The following WNK1 variants were observed in gnomAD, a reference collection of about 807,000 sequenced individuals.
The protein encoded by WNK1 is serine/threonine-protein kinase WNK1.
Under a neutral mutation model 222.8 loss-of-function variants are expected in WNK1, and 38 were observed. That is an observed-to-expected ratio of 0.17 (90% CI 0.13 to 0.22). The LOEUF is 0.22. WNK1 is among the 10% of genes least tolerant of loss of function. The probability of loss-of-function intolerance (pLI) is 1.00; values close to 1 mark genes in which losing one functional copy is unlikely to be tolerated. For missense variants in WNK1, 2,348 were observed against 2,918.4 expected, an observed-to-expected ratio of 0.80 and a Z score of 4.50; for synonymous variants, 1,090 against 1,092.9, an observed-to-expected ratio of 1.00 and a Z score of 0.05.
chr12:858,839 T>C (rs1245053284), intron 5 of WNK1, among the ~76,000 whole-genome samples: 1 of 152,210 alleles, frequency 6.6e-6, no homozygotes, highest in Non-Finnish European at 1.5e-5. Context: ...TATAAAATGC[T>C]ATATAAATGA....
rs1364200366 is a variant in WNK1 at position 833,646 on chromosome 12, T to C, written c.1311+3486T>C. 1.3e-5 allele frequency among the ~76,000 whole-genome samples: 2 copies of C among 152,240 alleles called. 1 individual carries two copies. The highest frequency in any genetic ancestry group is 2.9e-5 in the Non-Finnish European group (2 of 68,026). On this transcript the variant is annotated intron_variant, in intron 4 of 27. Coordinates refer to ENST00000315939, the MANE Select transcript of WNK1 (RefSeq NM_018979.4). ...CTGAGCTGATTCTTCTCAATTGATA[T>C]GAATGATAAAATTTTGTTTATTAGT...
chr12:892,053 G>T (rs568059743), intron 22 of WNK1, among the ~76,000 whole-genome samples: 65 of 145,530 alleles, frequency 4.5e-4, no homozygotes, highest in African/African-American at 1.5e-3. Context: ...TTTTTTTGTG[G>T]CTTGGAAATC....
intron 1 of WNK1, among the ~76,000 whole-genome samples, chr12:760,377 GAGTT>G (rs985301647): frequency 2.7e-5 from 4 of 147,618 alleles, no homozygotes; most frequent in Non-Finnish European, 6.1e-5. Context: ...CAGAACCCTT[GAGTT>G]CTAGATTACC....
At chr12:806,699 G>C (rs1186677613) in intron 1 of WNK1, among the ~76,000 whole-genome samples, 2 of 152,190 alleles carry the variant, frequency 1.3e-5, no homozygotes, top group African/African-American at 4.8e-5. Context: ...TGCCTGGGAA[G>C]ACAAAGGGAA....
chr12:883,190 A>T, intron 15 of WNK1, 131 bp downstream of exon 15: 1 of 964,874 alleles, frequency 1.0e-6, no homozygotes, highest in South Asian at 1.3e-5. Flanking sequence ...TGTGAATAAA[A>T]CTATCACACC....
At chr12:892,151 G>A (rs1024260687) in intron 22 of WNK1, among the ~76,000 whole-genome samples, 1 of 148,912 alleles carries the variant, frequency 6.7e-6, no homozygotes, top group African/African-American at 2.5e-5. Context: ...ATGTATACAT[G>A]TGCCATGTTG....
intron 13 of WNK1, 52 bp from the exon 14 acceptor site, chr12:881,859 C>T: frequency 6.2e-7 from 1 of 1,613,800 alleles, no homozygotes; most frequent in Non-Finnish European, 8.5e-7. Context: ...ACTGTCAGAC[C>T]TTTAAATCTC....
chr12:905,285 C>G (rs1419198821), intron 26 of WNK1, among the ~76,000 whole-genome samples: 1 of 152,134 alleles, frequency 6.6e-6, no homozygotes, highest in Non-Finnish European at 1.5e-5. Flanking sequence ...AGGTTTGTTT[C>G]ATTCTTTAAT....
At chr12:843,735 A>G (rs971687523) in intron 4 of WNK1, among the ~76,000 whole-genome samples, 1 of 152,240 alleles carries the variant, frequency 6.6e-6, no homozygotes, top group African/African-American at 2.4e-5. Flanking sequence ...AACCATGCAA[A>G]GTGCAGTCCT....
At position 885,494 on chromosome 12, in the gene WNK1, C is replaced by T. The variant is rs780714710; in HGVS notation, c.4690C>T (p.Pro1564Ser). 1 of 1,614,076 alleles carries T rather than the reference C, an allele frequency of 6.2e-7. No individual in the cohort carries two copies. Among genetic ancestry groups the T allele is most frequent in the African/African-American group, 1.3e-5 (1 of 75,032 alleles). The change falls in exon 19 of 28, where the codon CCT (proline) becomes TCT (serine). Residue 1564 changes from proline (P) to serine (S), a missense_variant. This residue lies in a region of WNK1 where 1,144 missense variants were observed against 1,273.6 expected (regional missense o/e 0.90). Coordinates refer to ENST00000315939, the MANE Select transcript of WNK1 (RefSeq NM_018979.4). ...AGGAGTGTCTAGTTATATTTCTCAG[C>T]CTGGTGGGCTGCATCCTTTGGTCAT... Reference protein sequence around the residue: ...GAGVSSYISQPGGLHPLVIPS... With the variant: ...GAGVSSYISQSGGLHPLVIPS...
intron 2 of WNK1, among the ~76,000 whole-genome samples, chr12:822,505 C>T (rs1477245425): frequency 6.6e-6 from 1 of 151,926 alleles, no homozygotes; most frequent in African/African-American, 2.4e-5. Flanking sequence ...CATTTTCATT[C>T]CTTTCTCATT....
At chr12:897,310 A>T (rs933966697) in intron 24 of WNK1, among the ~76,000 whole-genome samples, 169 bp from the exon 25 acceptor site, 3 of 152,186 alleles carry the variant, frequency 2.0e-5, no homozygotes, top group Non-Finnish European at 4.4e-5. Flanking sequence ...TGGGTAATGC[A>T]GGCCAGCAAG....
intron 9 of WNK1, among the ~76,000 whole-genome samples, chr12:871,628 A>C (rs1206774442): frequency 6.6e-6 from 1 of 152,030 alleles, no homozygotes; most frequent in Non-Finnish European, 1.5e-5. Flanking sequence ...TTTGAGACAA[A>C]GTCTCACTCT....
intron 1 of WNK1, among the ~76,000 whole-genome samples, chr12:802,082 T>C (rs1156623759): frequency 6.6e-6 from 1 of 152,180 alleles, no homozygotes; most frequent in Non-Finnish European, 1.5e-5. Context: ...AATGGGAAAC[T>C]GATAATGTAC....
chr12:880,343 A>G (rs1290707909), intron 11 of WNK1, among the ~76,000 whole-genome samples: 1 of 152,224 alleles, frequency 6.6e-6, no homozygotes, highest in Non-Finnish European at 1.5e-5. Flanking sequence ...AATAGCCAAC[A>G]TGGTATCAAC....
rs775274871 is a variant in WNK1 at position 910,887 on chromosome 12, T to G, written c.*2095T>G. On this transcript the variant is annotated 3_prime_UTR_variant, in exon 28 of 28. Transcript: ENST00000315939. Reference sequence around the variant, plus strand: ...CTTCCACCCCTGCTTTAAAATGATTTATTTATTCTCTGCTTGTATTTCTTG... The same window carrying G: ...CTTCCACCCCTGCTTTAAAATGATTGATTTATTCTCTGCTTGTATTTCTTG... The G allele has an allele frequency of 1.2e-5, 2 of 160,046 alleles. No individual in the cohort carries two copies. Among genetic ancestry groups the G allele is most frequent in the Non-Finnish European group, 1.4e-5 (1 of 73,550 alleles). The allele number at this position is 160,046 out of a possible 1,614,324, so 9.9% of individuals were successfully genotyped here.
intron 2 of WNK1, among the ~76,000 whole-genome samples, chr12:815,773 ATACAATGGTT>A (rs1412311871): frequency 3.8e-4 from 58 of 152,238 alleles, no homozygotes; most frequent in African/African-American, 1.3e-3. Context: ...TTACTCTAAA[ATACAATGGTT>A]TACTTGTTTT....
chr12:780,931 A>G (rs1018399123), intron 1 of WNK1, among the ~76,000 whole-genome samples: 27 of 152,344 alleles, frequency 1.8e-4, no homozygotes, highest in African/African-American at 3.6e-4. Flanking sequence ...TATTGAATGT[A>G]TAGTAGTTTG....
At chr12:766,002 A>G (rs1385392015) in intron 1 of WNK1, among the ~76,000 whole-genome samples, 2 of 152,190 alleles carry the variant, frequency 1.3e-5, no homozygotes, top group African/African-American at 4.8e-5. Flanking sequence ...TACTCAAAAT[A>G]TTTGGTGACC....
Sources: gnomAD v4.1 joint callset for allele counts (sites outside exome capture counted in the v4.1 genomes callset) on GRCh38, gnomAD v4.1.1 for gene constraint, gnomAD v4.1.1 regional missense constraint, MANE v1.5 for transcripts, NCBI Gene and HGNC (gene_info 2026-07-23, HGNC 2026-07-21) for gene names.